Variants in SRGAP1 observed in about 807,000 individuals in gnomAD.
SRGAP1 encodes the protein SLIT-ROBO Rho GTPase activating protein 1, also known as SLIT-ROBO Rho GTPase-activating protein 1.
SRGAP1 carries 43 observed loss-of-function variants against 121.9 expected under a neutral mutation model. The ratio of observed to expected loss-of-function variants is 0.35; its 90% CI spans 0.28 to 0.46. SRGAP1 has a LOEUF of 0.46. SRGAP1 is among the 20% of genes least tolerant of loss of function. The pLI, the probability that SRGAP1 is intolerant of heterozygous loss-of-function variation, is 1.00. For missense variants in SRGAP1, 1,102 were observed against 1,350.9 expected (o/e 0.82, Z 2.89); for synonymous variants, 447 against 485.4 (o/e 0.92, Z 1.04).
intron 1 of SRGAP1, chr12:63,887,494 G>A (rs1295731129): frequency 6.6e-6 from 1 of 152,276 alleles, no homozygotes; most frequent in Non-Finnish European, 1.5e-5. Context: ...CAGCCGAGAA[G>A]CAAGTCTGAG....
At chr12:63,989,550 A>C (rs978321367) in intron 2 of SRGAP1, among the ~76,000 whole-genome samples, 1 of 124,058 alleles carries the variant, frequency 8.1e-6, no homozygotes, top group Admixed American at 8.4e-5. Context: ...GGACAGTAGT[A>C]GTCAGTAGAT....
At chr12:63,928,098 G>A (rs564292350) in intron 1 of SRGAP1, among the ~76,000 whole-genome samples, 2 of 152,234 alleles carry the variant, frequency 1.3e-5, no homozygotes, top group Admixed American at 1.3e-4. Context: ...TGATGGTGTT[G>A]AGGTTGTCTT....
At chr12:63,863,098 T>G (rs951986649) in intron 1 of SRGAP1, among the ~76,000 whole-genome samples, 13 of 152,174 alleles carry the variant, frequency 8.5e-5, no homozygotes, top group African/African-American at 3.1e-4. Context: ...TGACAGACAG[T>G]GGAGACATTG....
At chr12:64,000,239 GGTGT>G (rs58289093) in intron 3 of SRGAP1, among the ~76,000 whole-genome samples, 3,268 of 131,526 alleles carry the variant, frequency 0.025, 98 homozygotes, top group African/African-American at 0.069. Context: ...GAAAGGTAGG[GGTGT>G]GTGTGTGTGT....
chr12:63,855,156 G>C (rs758887316), intron 1 of SRGAP1, among the ~76,000 whole-genome samples: 1 of 152,062 alleles, frequency 6.6e-6, no homozygotes, highest in Non-Finnish European at 1.5e-5. Flanking sequence ...TCCATCTTGT[G>C]GTTCTGCCAT....
intron 1 of SRGAP1, among the ~76,000 whole-genome samples, chr12:63,972,622 T>G (rs578054693): frequency 6.6e-6 from 1 of 152,338 alleles, no homozygotes; most frequent in Admixed American, 6.5e-5. Context: ...TGTGGAAATT[T>G]AGAAACTTGT....
At chr12:63,877,796 C>T (rs1274746280) in intron 1 of SRGAP1, among the ~76,000 whole-genome samples, 1 of 152,190 alleles carries the variant, frequency 6.6e-6, no homozygotes, top group Non-Finnish European at 1.5e-5. Flanking sequence ...TCTTTCTAGT[C>T]AGGTTACTGA....
Position 64,127,699 on chromosome 12 carries a change from C to G in SRGAP1, c.2515C>G (p.Arg839Gly), listed in dbSNP as rs372441466. 56 of 1,614,082 alleles carry G rather than the reference C, an allele frequency of 3.5e-5. No homozygotes were observed. The East Asian group carries it at 1.2e-3, about 33-fold the overall frequency. The change falls in exon 20 of 22, where the codon CGT (arginine) becomes GGT (glycine). Residue 839 changes from arginine (R) to glycine (G), a missense_variant. Physicochemically the swap from Arg to Gly is moderately radical, Grantham distance 125. This residue lies in a region of SRGAP1 where 315 missense variants were observed against 343.1 expected (regional missense o/e 0.92). Transcript: ENST00000355086. ...CAAGGACATGAACTCCCCGACAGAC[C>G]GTCATCCTGACGGCTATTTAGCCAG... is the stretch of plus-strand genomic sequence containing the variant. ...SSKDMNSPTD[R>G]HPDGYLARQR...
In SRGAP1 at chr12:63,984,061, C is replaced by T. The variant is rs778174499; in HGVS notation, c.182C>T (p.Thr61Met). 98 of 1,554,296 alleles carry T rather than the reference C, an allele frequency of 6.3e-5. No individual in the cohort carries two copies. Among genetic ancestry groups the T allele is most frequent in the East Asian group, 2.1e-4 (9 of 42,352 alleles). ...DFFRKKAEIE[T>M]EYSRNLEKLA... is the part of the protein sequence containing the mutation. Reference sequence around the variant, plus strand: ...TTCCGAAAAAAAGCTGAAATTGAGACGGAATATTCCCGGAATCTAGAGAAG... The same window carrying T: ...TTCCGAAAAAAAGCTGAAATTGAGATGGAATATTCCCGGAATCTAGAGAAG... Residue 61 changes from threonine to methionine, a missense_variant, in exon 2 of 22, where the codon ACG becomes ATG. Around this residue, in one of 3 missense-constraint regions of SRGAP1, gnomAD observed 747 missense variants for 929.4 expected, o/e 0.80. Coordinates refer to ENST00000355086, the MANE Select transcript of SRGAP1 (RefSeq NM_020762.4).
intron 11 of SRGAP1, among the ~76,000 whole-genome samples, chr12:64,089,476 G>A (rs564526086): frequency 2.0e-5 from 3 of 152,126 alleles, no homozygotes; most frequent in Non-Finnish European, 2.9e-5. Flanking sequence ...TCTCCTGAAC[G>A]TTGGCCTCCC....
Position 64,016,862 on chromosome 12 carries a change from G to A in SRGAP1, c.427-88G>A, listed in dbSNP as rs79300697. The A allele has an allele frequency of 8.7e-3, 6,181 of 709,684 alleles. 269 individuals carry two copies. In the African/African-American group the frequency reaches 0.093, roughly 11 times the overall value. 44.0% of individuals were successfully genotyped at this position (709,684 alleles called of 1,614,324 possible). ...TACAGAGGCTTGCTGTCTTTCTGTC[G>A]TGTTAGATACATTCCTCTATTTTCA... On this transcript the variant is annotated intron_variant, in intron 3 of 21. Coordinates refer to ENST00000355086, the MANE Select transcript of SRGAP1 (RefSeq NM_020762.4).
chr12:63,949,356 CTT>C (rs2032205022), intron 1 of SRGAP1, among the ~76,000 whole-genome samples: 1 of 134,700 alleles, frequency 7.4e-6, no homozygotes, highest in Admixed American at 7.6e-5. Flanking sequence ...TGCTGTTGGT[CTT>C]TGAAAAACTT....
At chr12:63,988,910 G>C (rs1370668777) in intron 2 of SRGAP1, among the ~76,000 whole-genome samples, 1 of 152,132 alleles carries the variant, frequency 6.6e-6, no homozygotes, top group South Asian at 2.1e-4. Flanking sequence ...TCCTAGGTTT[G>C]AGCAATTCTT....
At chr12:63,916,017 C>A (rs1177198974) in intron 1 of SRGAP1, among the ~76,000 whole-genome samples, 1 of 103,782 alleles carries the variant, frequency 9.6e-6, no homozygotes, top group South Asian at 4.2e-4. Flanking sequence ...GAAATGGTGT[C>A]TTTTCTTTTC....
In SRGAP1 at chr12:64,133,082, T is replaced by C. The variant is rs535564351; in HGVS notation, c.2880+4882T>C. On this transcript the variant is annotated intron_variant, in intron 21 of 21. Transcript: ENST00000355086. Reference sequence around the variant, plus strand: ...ACTGTCATTCTCCAGAATCCATCTGTCTTCTGCACAGGCCAAATGGGAGAG... The same window carrying C: ...ACTGTCATTCTCCAGAATCCATCTGCCTTCTGCACAGGCCAAATGGGAGAG... Among the ~76,000 whole-genome samples, 38 of 152,368 alleles carry C rather than the reference T, an allele frequency of 2.5e-4. 1 individual carries two copies. The South Asian group carries it at 7.7e-3, about 31-fold the overall frequency.
chr12:64,134,249 G>A (rs1291393350), intron 21 of SRGAP1, among the ~76,000 whole-genome samples: 3 of 151,988 alleles, frequency 2.0e-5, no homozygotes, highest in East Asian at 2.0e-4. Flanking sequence ...GTGAAACCCC[G>A]TCTCTACTAA....
chr12:64,153,473 A>C lies in SRGAP1; in HGVS notation c.*10801A>C, dbSNP rs929238901. ...GGGCGGCACAGTGAGACTCCATCTC[A>C]AAAAAAAAAAAAAAAGTAAGGTACT... is the stretch of plus-strand genomic sequence containing the variant. On this transcript the variant is annotated 3_prime_UTR_variant, in exon 22 of 22. Transcript: ENST00000355086. 8.0e-5 allele frequency: 9 copies of C among 112,000 alleles called. No homozygotes were observed. In the East Asian group the frequency reaches 1.9e-3, roughly 24 times the overall value. 6.9% of individuals were successfully genotyped at this position (112,000 alleles called of 1,614,324 possible). A position where few individuals can be genotyped will look rare whatever the true frequency, so the allele number is the denominator to read the frequency against.
At chr12:63,959,222 A>G (rs2032562958) in intron 1 of SRGAP1, among the ~76,000 whole-genome samples, 1 of 152,214 alleles carries the variant, frequency 6.6e-6, no homozygotes, top group African/African-American at 2.4e-5. Context: ...CCAGAGAAAC[A>G]CATATCTGAA....
At chr12:63,908,445 C>T (rs1468630594) in intron 1 of SRGAP1, among the ~76,000 whole-genome samples, 2 of 152,010 alleles carry the variant, frequency 1.3e-5, no homozygotes, top group East Asian at 3.9e-4. Context: ...GATGGAGTCT[C>T]GCTCTGAGAT....
Sources: allele counts gnomAD v4.1 joint callset (sites outside exome capture counted in the v4.1 genomes callset), GRCh38; gene constraint gnomAD v4.1.1; regional missense constraint gnomAD v4.1.1; transcripts MANE v1.5; gene names NCBI Gene and HGNC (gene_info 2026-07-23, HGNC 2026-07-21).